MYO18B: variants seen among roughly 807,000 people sequenced by gnomAD.
The protein encoded by MYO18B is unconventional myosin-XVIIIb.
In MYO18B, 204 loss-of-function variants were observed where a neutral mutation model predicts 273.0. That is an observed-to-expected ratio of 0.75 (90% CI 0.67 to 0.84). MYO18B has a LOEUF of 0.84. Among genes scored for constraint, MYO18B ranks in the 40% least tolerant of loss-of-function variants. The pLI, the probability that MYO18B is intolerant of heterozygous loss-of-function variation, is 0.00. For synonymous variants in MYO18B, 1,330 were observed against 1,305.7 expected (o/e 1.02, Z -0.40); for missense variants, 3,212 against 3,287.6 (o/e 0.98, Z 0.56).
chr22:25,782,155 C>T (rs2087190658), intron 10 of MYO18B, among the ~76,000 whole-genome samples: 1 of 152,128 alleles, frequency 6.6e-6, no homozygotes, highest in Non-Finnish European at 1.5e-5. Flanking sequence ...GCCTCGGTTT[C>T]TTCCTTTGTA....
chr22:25,743,120 C>T (rs1344563234), intron 1 of MYO18B, among the ~76,000 whole-genome samples: 1 of 152,252 alleles, frequency 6.6e-6, no homozygotes, highest in Non-Finnish European at 1.5e-5. Context: ...TCCCAGTCGG[C>T]TCCAAGCTGT....
intron 34 of MYO18B, among the ~76,000 whole-genome samples, chr22:25,940,922 G>T (rs745459409): frequency 6.6e-6 from 1 of 152,202 alleles, no homozygotes; most frequent in Non-Finnish European, 1.5e-5. Flanking sequence ...GGAATAGTAG[G>T]CAATGAAGCC....
chr22:25,929,552 C>T (rs1249244589), intron 34 of MYO18B, among the ~76,000 whole-genome samples: 1 of 152,196 alleles, frequency 6.6e-6, no homozygotes, highest in Non-Finnish European at 1.5e-5. Context: ...CTTTTTCTCT[C>T]CCCCTATTTG....
intron 17 of MYO18B, among the ~76,000 whole-genome samples, chr22:25,842,515 A>C (rs1040702308): frequency 1.3e-5 from 2 of 151,822 alleles, no homozygotes; most frequent in African/African-American, 4.8e-5. Flanking sequence ...CCTACTAAAA[A>C]TACAAAATTA....
At chr22:25,927,494 AC>A (rs1429637878) in intron 34 of MYO18B, among the ~76,000 whole-genome samples, 1 of 152,000 alleles carries the variant, frequency 6.6e-6, no homozygotes, top group African/African-American at 2.4e-5. Context: ...TGATCTCAAA[AC>A]CCTGTCTCCT....
intron 11 of MYO18B, among the ~76,000 whole-genome samples, chr22:25,787,506 C>T (rs1256509581): frequency 6.6e-6 from 1 of 152,128 alleles, no homozygotes; most frequent in Non-Finnish European, 1.5e-5. Context: ...CGTCTTTGAA[C>T]TCTGGGGGCT....
At chr22:25,790,647 A>G (rs1345624913) in intron 11 of MYO18B, among the ~76,000 whole-genome samples, 4 of 152,256 alleles carry the variant, frequency 2.6e-5, no homozygotes, top group African/African-American at 4.8e-5. Context: ...ATGAACGAGC[A>G]TGCCCAACTC....
At chr22:25,995,085 C>T (rs769098898) in intron 40 of MYO18B, among the ~76,000 whole-genome samples, 8 of 152,022 alleles carry the variant, frequency 5.3e-5, no homozygotes, top group South Asian at 2.1e-4. Context: ...TGCGTATACA[C>T]GATAGAGTAC....
chr22:25,921,484 C>T, intron 34 of MYO18B, 75 bp downstream of exon 34: 1 of 1,507,336 alleles, frequency 6.6e-7, no homozygotes, highest in South Asian at 1.3e-5. Context: ...CTGTCCCTCC[C>T]AGGTATGAGC....
At chr22:25,984,316 A>G (rs1394200625) in intron 39 of MYO18B, among the ~76,000 whole-genome samples, 3 of 152,104 alleles carry the variant, frequency 2.0e-5, no homozygotes, top group Non-Finnish European at 4.4e-5. Flanking sequence ...AGCAGTTTGC[A>G]TCTCTCCCTC....
At chr22:26,003,860 C>G (rs1378091290) in intron 41 of MYO18B, among the ~76,000 whole-genome samples, 2 of 152,028 alleles carry the variant, frequency 1.3e-5, no homozygotes, top group African/African-American at 2.4e-5. Context: ...TATAGAGGCA[C>G]AGAGGGTAGG....
intron 25 of MYO18B, among the ~76,000 whole-genome samples, chr22:25,879,904 A>C (rs695443): frequency 0.81 from 123,112 of 152,054 alleles, 50,154 homozygotes; most frequent in East Asian, 1. Flanking sequence ...ATACACTTTT[A>C]AACAACCAGA....
At chr22:25,988,067 C>G (rs1008298714) in intron 39 of MYO18B, among the ~76,000 whole-genome samples, 4 of 151,944 alleles carry the variant, frequency 2.6e-5, no homozygotes, top group Admixed American at 6.6e-5. Context: ...GAGCCAAGCC[C>G]GAGCAAGCGT....
chr22:25,903,140 A>G (rs896485907), intron 30 of MYO18B: 10 of 211,292 alleles, frequency 4.7e-5, no homozygotes, highest in Admixed American at 2.1e-4. Context: ...GTGGTTCTCT[A>G]CTACTCGCAG....
chr22:25,863,425 G>GA (rs1160142941), intron 21 of MYO18B, among the ~76,000 whole-genome samples: 1 of 152,110 alleles, frequency 6.6e-6, no homozygotes, highest in Non-Finnish European at 1.5e-5. Flanking sequence ...GGACATCTTA[G>GA]ATGATACATT....
At position 25,777,646 on chromosome 22, in the gene MYO18B, TG is replaced by T. The variant is rs752540028; in HGVS notation, c.1936del (p.Ala646ArgfsTer3). On this transcript the variant is annotated frameshift_variant, in exon 8 of 44. Transcript: ENST00000335473. LOFTEE classifies it high-confidence loss of function. ...HIGSMAQRAY[W>X]ALLNQRRDQS... ...TGGCTCCATGGCACAGCGGGCATAC[TG>T]GGCGCTGCTGAACCAGCGGAGAGAC... The T allele has an allele frequency of 3.1e-6, 5 of 1,612,240 alleles. No homozygotes were observed. The highest frequency in any genetic ancestry group is 4.2e-6 in the Non-Finnish European group (5 of 1,179,082).
intron 38 of MYO18B, among the ~76,000 whole-genome samples, chr22:25,953,342 T>TA (rs1255831981): frequency 6.6e-6 from 1 of 152,184 alleles, no homozygotes; most frequent in Non-Finnish European, 1.5e-5. Flanking sequence ...TTGCTGAAGA[T>TA]AAAGCCAGGC....
intron 34 of MYO18B, among the ~76,000 whole-genome samples, chr22:25,923,043 C>G (rs2092371265): frequency 6.6e-6 from 1 of 152,212 alleles, no homozygotes; most frequent in African/African-American, 2.4e-5. Context: ...GTTTCTCAGG[C>G]TGACCTTGCT....
At chr22:25,748,528 C>T (rs1435049720) in intron 1 of MYO18B, among the ~76,000 whole-genome samples, 1 of 152,166 alleles carries the variant, frequency 6.6e-6, no homozygotes, top group African/African-American at 2.4e-5. Context: ...ACTGTCTATC[C>T]TGGAAATTCC....
Sources: gnomAD v4.1 joint callset for allele counts (sites outside exome capture counted in the v4.1 genomes callset) on GRCh38, gnomAD v4.1.1 for gene constraint, MANE v1.5 for transcripts, NCBI Gene and HGNC (gene_info 2026-07-23, HGNC 2026-07-21) for gene names.